Variants in TMCC1 observed in about 807,000 individuals in gnomAD.
TMCC1 encodes transmembrane and coiled-coil domains protein 1.
In TMCC1, 15 loss-of-function variants were observed where a neutral mutation model predicts 52.4. The observed-to-expected ratio is 0.29, with a 90% CI of 0.19 to 0.44. TMCC1 has a LOEUF of 0.44. TMCC1 is among the 20% of genes least tolerant of loss of function. The pLI is 1.00. For synonymous variants in TMCC1, 279 were observed against 301.9 expected (o/e 0.92, Z 0.79); for missense variants, 503 against 806.0 (o/e 0.62, Z 4.55).
intron 2 of TMCC1, among the ~76,000 whole-genome samples, chr3:129,853,099 T>C (rs116241345): frequency 4.5e-4 from 68 of 152,314 alleles, no homozygotes; most frequent in Admixed American, 2.2e-3. Flanking sequence ...TCAGTACCTA[T>C]TCTTTGGTTA....
intron 2 of TMCC1, among the ~76,000 whole-genome samples, chr3:129,851,037 C>G (rs1407492650): frequency 1.3e-5 from 2 of 152,226 alleles, no homozygotes; most frequent in Non-Finnish European, 2.9e-5. Context: ...ATGAACATGT[C>G]ACAGTGCTGC....
intron 1 of TMCC1, among the ~76,000 whole-genome samples, chr3:129,890,724 G>A (rs2061928852): frequency 6.6e-6 from 1 of 152,150 alleles, no homozygotes; most frequent in African/African-American, 2.4e-5. Flanking sequence ...AAGCTCTGTG[G>A]CTCTCAGCCT....
intron 4 of TMCC1, among the ~76,000 whole-genome samples, chr3:129,775,319 C>G (rs1253669484): frequency 6.6e-6 from 1 of 151,988 alleles, no homozygotes; most frequent in African/African-American, 2.4e-5. Context: ...TTTTAATTAG[C>G]CAGGTGTGGT....
intron 2 of TMCC1, among the ~76,000 whole-genome samples, chr3:129,844,599 TTC>T (rs2059575230): frequency 6.6e-6 from 1 of 152,172 alleles, no homozygotes; most frequent in African/African-American, 2.4e-5. Flanking sequence ...CTCTCCCATC[TTC>T]TCTCACCATT....
At chr3:129,771,956 GA>G (rs1337539786) in intron 4 of TMCC1, among the ~76,000 whole-genome samples, 1 of 152,070 alleles carries the variant, frequency 6.6e-6, no homozygotes, top group East Asian at 1.9e-4. Flanking sequence ...AAACAGGCAA[GA>G]AAGTACAGAT....
At chr3:129,680,671 C>T (rs1252133061) in intron 4 of TMCC1, among the ~76,000 whole-genome samples, 3 of 152,120 alleles carry the variant, frequency 2.0e-5, no homozygotes, top group Non-Finnish European at 4.4e-5. Flanking sequence ...GAGGCTGAGG[C>T]GAGTGGATCA....
chr3:129,876,940 G>C (rs551321215), intron 2 of TMCC1, among the ~76,000 whole-genome samples: 1 of 152,286 alleles, frequency 6.6e-6, no homozygotes, highest in South Asian at 2.1e-4. Flanking sequence ...CTGGACAACA[G>C]AGCGAGACTC....
intron 4 of TMCC1, among the ~76,000 whole-genome samples, chr3:129,825,507 C>T (rs1331824621): frequency 7.0e-6 from 1 of 143,284 alleles, no homozygotes; most frequent in Non-Finnish European, 1.5e-5. Context: ...TTAGAAGCTC[C>T]GAAGTTTACA....
At chr3:129,768,596 T>TA (rs2054308447) in intron 4 of TMCC1, among the ~76,000 whole-genome samples, 1 of 152,150 alleles carries the variant, frequency 6.6e-6, no homozygotes, top group Admixed American at 6.5e-5. Flanking sequence ...GAGCACTAAA[T>TA]TGCAAAGAAA....
chr3:129,688,380 G>T, intron 4 of TMCC1: 1 of 985,406 alleles, frequency 1.0e-6, no homozygotes. Context: ...TGGTTTCCGA[G>T]AATAACGCTG....
chr3:129,795,107 C>T (rs754684496), intron 4 of TMCC1, among the ~76,000 whole-genome samples: 3 of 152,128 alleles, frequency 2.0e-5, no homozygotes, highest in Non-Finnish European at 4.4e-5. Flanking sequence ...AGGCATACTC[C>T]GACGGTGACT....
chr3:129,838,836 T>C (rs2059292095), intron 2 of TMCC1, among the ~76,000 whole-genome samples: 1 of 149,174 alleles, frequency 6.7e-6, no homozygotes, highest in Admixed American at 6.7e-5. Context: ...TTGAAGGCAG[T>C]CAAAGAGGGG....
intron 1 of TMCC1, among the ~76,000 whole-genome samples, chr3:129,887,867 A>G (rs1470081302): frequency 1.3e-5 from 2 of 152,238 alleles, no homozygotes; most frequent in African/African-American, 4.8e-5. Flanking sequence ...TTATATCACA[A>G]AGAATAAACT....
chr3:129,760,134 T>C (rs1322827669), intron 4 of TMCC1, among the ~76,000 whole-genome samples: 1 of 152,140 alleles, frequency 6.6e-6, no homozygotes, highest in Non-Finnish European at 1.5e-5. Flanking sequence ...CTGCACTGTT[T>C]CCTAATATCA....
chr3:129,698,229 A>C (rs1298399957), intron 4 of TMCC1, among the ~76,000 whole-genome samples: 1 of 152,192 alleles, frequency 6.6e-6, no homozygotes, highest in Non-Finnish European at 1.5e-5. Context: ...TCATGGTGGA[A>C]GGCGAAGGAG....
At chr3:129,851,523 T>C (rs1030248161) in intron 2 of TMCC1, among the ~76,000 whole-genome samples, 1 of 152,222 alleles carries the variant, frequency 6.6e-6, no homozygotes, top group African/African-American at 2.4e-5. Context: ...TATTCAGATA[T>C]GCTATCTTAA....
intron 2 of TMCC1, among the ~76,000 whole-genome samples, chr3:129,838,526 G>A (rs772853198): frequency 7.2e-5 from 11 of 151,972 alleles, no homozygotes; most frequent in South Asian, 6.2e-4. Context: ...AGGCCGAGAC[G>A]GGCAGATCAC....
chr3:129,654,820 A>T (rs138131502), intron 6 of TMCC1, 148 bp downstream of exon 6: 2 of 1,152,110 alleles, frequency 1.7e-6, no homozygotes, highest in African/African-American at 1.5e-5. Flanking sequence ...AATGCATCTC[A>T]ATCATTTTAA....
At chr3:129,791,615 G>A (rs1399634035) in intron 4 of TMCC1, among the ~76,000 whole-genome samples, 2 of 152,202 alleles carry the variant, frequency 1.3e-5, no homozygotes, top group East Asian at 1.9e-4. Flanking sequence ...GATGGCTCAC[G>A]CAGGAGACAT....
Sources: allele counts gnomAD v4.1 joint callset (sites outside exome capture counted in the v4.1 genomes callset), GRCh38; gene constraint gnomAD v4.1.1; transcripts MANE v1.5; gene names NCBI Gene and HGNC (gene_info 2026-07-23, HGNC 2026-07-21).